ATAD3A: variants seen among roughly 807,000 people sequenced by gnomAD.
ATAD3A encodes the protein ATPase family AAA domain containing 3A.
In ATAD3A, 46 loss-of-function variants were observed where a neutral mutation model predicts 73.8. The observed-to-expected ratio is 0.62, with a 90% CI of 0.49 to 0.80. The LOEUF (loss-of-function observed/expected upper bound fraction) is 0.80, where lower values mean the gene tolerates loss of function less well. ATAD3A is among the 30% of genes least tolerant of loss of function. The pLI is 0.00. For synonymous variants in ATAD3A, 319 were observed against 350.0 expected (o/e 0.91, Z 0.99); for missense variants, 705 against 838.0 (o/e 0.84, Z 1.96).
At position 1,512,169 on chromosome 1, in the gene ATAD3A, G is replaced by T. The variant is rs1052533262; in HGVS notation, c.-100G>T. On this transcript the variant is annotated 5_prime_UTR_variant, in exon 1 of 16. Coordinates refer to ENST00000378756, the MANE Select transcript of ATAD3A (RefSeq NM_001170535.3). ...TGTGTGTGGCGCCTGCGCAGTGGCG[G>T]TGACCACCGGCTCGCGGCGCGTGGA... 5.8e-6 allele frequency: 7 copies of T among 1,216,702 alleles called. No individual in the cohort carries two copies. The highest frequency in any genetic ancestry group is 7.2e-6 in the Non-Finnish European group (7 of 974,316). 75.4% of individuals were successfully genotyped at this position (1,216,702 alleles called of 1,614,324 possible).
intron 7 of ATAD3A, among the ~76,000 whole-genome samples, chr1:1,522,331 G>A (rs1641628115): frequency 6.6e-6 from 1 of 152,182 alleles, no homozygotes; most frequent in Non-Finnish European, 1.5e-5. Context: ...CTGAGCTACT[G>A]TGCCCAGCCA....
At chr1:1,524,169 A>G in intron 10 of ATAD3A, 104 bp from the exon 11 acceptor site, 1 of 1,561,316 alleles carries the variant, frequency 6.4e-7, no homozygotes, top group Non-Finnish European at 8.7e-7. Flanking sequence ...TGTGGCTTCC[A>G]GGCAGGGACG....
At chr1:1,517,984 C>T (rs1301396130) in intron 4 of ATAD3A, among the ~76,000 whole-genome samples, 10 of 151,922 alleles carry the variant, frequency 6.6e-5, no homozygotes, top group Admixed American at 6.5e-4. Context: ...CATGGAGACA[C>T]AGGCACCTAC....
intron 15 of ATAD3A, among the ~76,000 whole-genome samples, chr1:1,532,621 G>A (rs1275431476): frequency 6.6e-6 from 1 of 152,212 alleles, no homozygotes; most frequent in African/African-American, 2.4e-5. Context: ...CAGGTCCCGT[G>A]CTTCCTGGAG....
Position 1,527,863 on chromosome 1 carries a change from G to T in ATAD3A, c.1505+1G>T. 3 of 1,611,090 alleles carry T rather than the reference G, an allele frequency of 1.9e-6. No individual in the cohort carries two copies. Among genetic ancestry groups the T allele is most frequent in the Non-Finnish European group, 2.5e-6 (3 of 1,178,316 alleles). Reference sequence around the variant, plus strand: ...TTAAGCCGGCCACAGAAGGAAAGCAGTAAGTGTCCCGCCCCACCAGCCCCC... The same window carrying T: ...TTAAGCCGGCCACAGAAGGAAAGCATTAAGTGTCCCGCCCCACCAGCCCCC... On this transcript the variant is annotated splice_donor_variant, in intron 14 of 15. Coordinates refer to ENST00000378756, the MANE Select transcript of ATAD3A (RefSeq NM_001170535.3). LOFTEE classifies it high-confidence loss of function.
rs1209039008 is a variant in ATAD3A at position 1,518,935 on chromosome 1, G to C, written c.459G>C (p.Glu153Asp). Reference sequence around the variant, plus strand: ...CTTCTTCTCAGCAACTTCTCAATGAGGAGAATTTACGGAAGCAGGAGGAGT... The same window carrying C: ...CTTCTTCTCAGCAACTTCTCAATGACGAGAATTTACGGAAGCAGGAGGAGT... ...DQLKQQQLLN[E>D]ENLRKQEESV... is the part of the protein sequence containing the mutation. The change falls in exon 5 of 16, where the codon GAG becomes GAC. Residue 153 changes from glutamate (E) to aspartate (D), a missense_variant. Coordinates refer to ENST00000378756, the MANE Select transcript of ATAD3A (RefSeq NM_001170535.3). The C allele has an allele frequency of 1.2e-6, 2 of 1,614,040 alleles. No homozygotes were observed. The highest frequency in any genetic ancestry group is 2.7e-5 in the African/African-American group (2 of 74,940).
At chr1:1,514,990 T>C (rs1570317956) in intron 1 of ATAD3A, among the ~76,000 whole-genome samples, 1 of 152,288 alleles carries the variant, frequency 6.6e-6, no homozygotes, top group East Asian at 1.9e-4. Flanking sequence ...TCTCCAGCCT[T>C]GGCCTCCCAA....
chr1:1,512,738 G>C (rs1641242909), intron 1 of ATAD3A: 8 of 1,140,110 alleles, frequency 7.0e-6, no homozygotes, highest in Non-Finnish European at 8.8e-6. Flanking sequence ...CAGGGGTCAG[G>C]GTCTGGGGCT....
At chr1:1,526,260 ATCTGCCCGCC>A (rs1641839398) in intron 12 of ATAD3A, among the ~76,000 whole-genome samples, 191 bp from the exon 13 acceptor site, 1 of 151,960 alleles carries the variant, frequency 6.6e-6, no homozygotes, top group Admixed American at 6.6e-5. Context: ...ACCTCGTGTG[ATCTGCCCGCC>A]TCAGCCTCCC....
chr1:1,521,298 C>CAAAAAA lies in ATAD3A; in HGVS notation c.750+707_750+712dup, dbSNP rs1001385922. On this transcript the variant is annotated intron_variant, in intron 7 of 15. Transcript: ENST00000378756. ...TGGGCCACATAGTGAGGCTTCTTCT[C>CAAAAAA]AAAAAAAAAAAAAAAAAAAAAAAAA... Among the ~76,000 whole-genome samples, 10 of 25,362 alleles carry CAAAAAA rather than the reference C, an allele frequency of 3.9e-4. 1 individual carries two copies. Among genetic ancestry groups the CAAAAAA allele is most frequent in the African/African-American group, 8.3e-4 (9 of 10,906 alleles). 16.6% of individuals were successfully genotyped at this position (25,362 alleles called of 152,430 possible).
At chr1:1,526,057 CTGT>C (rs1223850604) in intron 12 of ATAD3A, among the ~76,000 whole-genome samples, 1 of 149,880 alleles carries the variant, frequency 6.7e-6, no homozygotes, top group Non-Finnish European at 1.5e-5. Context: ...GAATTTTACT[CTGT>C]TGCCCACGCT....
rs543498497 is a variant in ATAD3A at position 1,526,299 on chromosome 1, G to A, written c.1267-162G>A. 1.1e-4 allele frequency among the ~76,000 whole-genome samples: 17 copies of A among 152,166 alleles called. 1 individual carries two copies. Among genetic ancestry groups the A allele is most frequent in the South Asian group, 2.1e-4 (1 of 4,814 alleles). On this transcript the variant is annotated intron_variant, in intron 12 of 15. Coordinates refer to ENST00000378756, the MANE Select transcript of ATAD3A (RefSeq NM_001170535.3). Reference sequence around the variant, plus strand: ...GCCTCCCAAAATCCAGGTTACATTCGTGAGCCACCGCCCCTGGCCCTGGTC... The same window carrying A: ...GCCTCCCAAAATCCAGGTTACATTCATGAGCCACCGCCCCTGGCCCTGGTC...
chr1:1,518,866 T>C (rs929711383), intron 4 of ATAD3A, 55 bp from the exon 5 acceptor site: 3 of 1,613,560 alleles, frequency 1.9e-6, no homozygotes, highest in African/African-American at 1.3e-5. Context: ...CCCGCACACA[T>C]GGGCACAGTC....
chr1:1,529,662 T>C (rs1641969323), intron 15 of ATAD3A, among the ~76,000 whole-genome samples: 1 of 152,224 alleles, frequency 6.6e-6, no homozygotes, highest in Admixed American at 6.5e-5. Context: ...GGCACCTCCC[T>C]GTGTAAATGG....
rs1642151369 is a variant in ATAD3A at position 1,534,305 on chromosome 1, T to A, written c.*233T>A. ...GCCTCCTTCCTGCCCCTCGAGACAC[T>A]CTTGGGAGATGCATTTTCCGTCTGG... On this transcript the variant is annotated 3_prime_UTR_variant, in exon 16 of 16. Transcript: ENST00000378756. 16 of 1,427,966 alleles carry A rather than the reference T, an allele frequency of 1.1e-5. No homozygotes were observed. The South Asian group carries it at 1.2e-4, about 11-fold the overall frequency. The allele number at this position is 1,427,966 out of a possible 1,614,324, so 88.5% of individuals were successfully genotyped here. A position where few individuals can be genotyped will look rare whatever the true frequency, so the allele number is the denominator to read the frequency against.
chr1:1,532,879 C>T (rs935922905), intron 15 of ATAD3A, among the ~76,000 whole-genome samples: 1 of 151,822 alleles, frequency 6.6e-6, no homozygotes, highest in African/African-American at 2.4e-5. Context: ...GTGTCTCCTG[C>T]ACTCCGGGGC....
intron 11 of ATAD3A, among the ~76,000 whole-genome samples, chr1:1,524,999 C>T (rs550832000): frequency 1.1e-3 from 168 of 152,310 alleles, no homozygotes; most frequent in Middle Eastern, 0.01. Flanking sequence ...GCCTGTGGGG[C>T]GGAGTTCGTC....
chr1:1,528,846 C>G (rs993319802), intron 14 of ATAD3A, among the ~76,000 whole-genome samples: 6 of 152,252 alleles, frequency 3.9e-5, no homozygotes, highest in Non-Finnish European at 7.3e-5. Flanking sequence ...CCTGGGCTCC[C>G]CCACCCCCAT....
intron 4 of ATAD3A, among the ~76,000 whole-genome samples, chr1:1,518,675 A>ACG (rs1641472492): frequency 1.4e-5 from 1 of 70,868 alleles, no homozygotes; most frequent in Non-Finnish European, 2.4e-5. Context: ...GTACACACAC[A>ACG]CACACACACA....
Sources: allele counts gnomAD v4.1 joint callset (sites outside exome capture counted in the v4.1 genomes callset), GRCh38; gene constraint gnomAD v4.1.1; transcripts MANE v1.5; gene names NCBI Gene and HGNC (gene_info 2026-07-23, HGNC 2026-07-21).